The following CNTN6 variants were observed in gnomAD, a reference collection of about 807,000 sequenced individuals.
CNTN6 encodes the protein contactin 6, also known as contactin-6.
In CNTN6, 137 loss-of-function variants were observed where a neutral mutation model predicts 122.8. The ratio of observed to expected loss-of-function variants is 1.12; its 90% CI spans 0.97 to 1.29. The LOEUF (loss-of-function observed/expected upper bound fraction) is 1.29, where lower values mean the gene tolerates loss of function less well. CNTN6 is among the 50% of genes most tolerant of loss of function. CNTN6 has a pLI of 0.00. For missense variants in CNTN6, 1,634 were observed against 1,223.4 expected, an observed-to-expected ratio of 1.34 and a Z score of -5.01; for synonymous variants, 570 against 426.0, an observed-to-expected ratio of 1.34 and a Z score of -4.16.
intron 2 of CNTN6, among the ~76,000 whole-genome samples, chr3:1,181,621 C>CA (rs904899265): frequency 1.9e-4 from 29 of 152,036 alleles, no homozygotes; most frequent in African/African-American, 6.8e-4. Context: ...TGTGTGTCTC[C>CA]AGGTATTACA....
intron 1 of CNTN6, among the ~76,000 whole-genome samples, chr3:1,140,758 C>A (rs1559385101): frequency 1.3e-5 from 2 of 152,236 alleles, no homozygotes; most frequent in East Asian, 3.9e-4. Flanking sequence ...AACATATTTG[C>A]ATTTATTTCA....
chr3:1,305,366 A>T (rs1320091131), intron 7 of CNTN6, among the ~76,000 whole-genome samples: 2 of 152,184 alleles, frequency 1.3e-5, no homozygotes, highest in African/African-American at 4.8e-5. Context: ...GACTTTGGGG[A>T]TATGTAACTG....
chr3:1,278,240 A>C (rs150863780), intron 4 of CNTN6, among the ~76,000 whole-genome samples, 173 bp from the exon 5 acceptor site: 329 of 152,356 alleles, frequency 2.2e-3, no homozygotes, highest in Non-Finnish European at 3.1e-3. Flanking sequence ...AAGAAACACA[A>C]GATTTTGCAA....
chr3:1,162,353 A>G (rs909026363), intron 2 of CNTN6, among the ~76,000 whole-genome samples: 3 of 152,220 alleles, frequency 2.0e-5, no homozygotes, highest in Non-Finnish European at 4.4e-5. Flanking sequence ...AGCACTTATA[A>G]TCAAACACAA....
intron 4 of CNTN6, among the ~76,000 whole-genome samples, chr3:1,248,998 A>G (rs1310278441): frequency 6.6e-6 from 1 of 152,198 alleles, no homozygotes; most frequent in East Asian, 1.9e-4. Flanking sequence ...TTAAATGCAA[A>G]TTCTGATTCA....
chr3:1,139,272 A>T (rs2092556016), intron 1 of CNTN6, among the ~76,000 whole-genome samples: 1 of 152,124 alleles, frequency 6.6e-6, no homozygotes, highest in Non-Finnish European at 1.5e-5. Context: ...GTCATTAGTA[A>T]GTAGTCCCTG....
Position 1,295,634 on chromosome 3 carries a change from C to G in CNTN6, c.488C>G (p.Pro163Arg), listed in dbSNP as rs764715506. The stretch of plus-strand genomic sequence containing the variant: ...TATGCATGGACCTTCAATGATAACC[C>G]CTTATACGTCCAAGAGGACAATAGG... ...LSYAWTFNDNPLYVQEDNRRF... is the reference protein window; with the variant it reads ...LSYAWTFNDNRLYVQEDNRRF... Residue 163 changes from proline (P) to arginine (R), a missense_variant, in exon 6 of 23, where the codon CCC (proline) becomes CGC (arginine). Transcript: ENST00000446702. The G allele has an allele frequency of 1.2e-5, 20 of 1,613,656 alleles. No individual in the cohort carries two copies. In the African/African-American group the frequency reaches 2.4e-4, roughly 19 times the overall value.
chr3:1,189,916 A>G lies in CNTN6; in HGVS notation c.56-30771A>G, dbSNP rs556811284. ...TTCTATTGCATATCACAAAATTAGT[A>G]GCAAAATGATGATATGAATTTAGGT... On this transcript the variant is annotated intron_variant, in intron 2 of 22. Coordinates refer to ENST00000446702, the MANE Select transcript of CNTN6 (RefSeq NM_001289080.2). Among the ~76,000 whole-genome samples the G allele has an allele frequency of 3.9e-5, 6 of 152,332 alleles. No homozygotes were observed. The East Asian group carries it at 7.7e-4, about 20-fold the overall frequency.
intron 2 of CNTN6, among the ~76,000 whole-genome samples, chr3:1,152,920 T>C (rs1378569761): frequency 6.6e-6 from 1 of 152,176 alleles, no homozygotes; most frequent in African/African-American, 2.4e-5. Flanking sequence ...AATAGCAGAA[T>C]AGTAGTTACA....
rs530320196 is a variant in CNTN6 at position 1,164,638 on chromosome 3, A to T, written c.55+16575A>T. ...CATGTAGAATGTGATTAGGATACTG[A>T]AGAAATTCTTGACATATATTAGGAC... On this transcript the variant is annotated intron_variant, in intron 2 of 22. Transcript: ENST00000446702. Among the ~76,000 whole-genome samples the T allele has an allele frequency of 3.2e-4, 49 of 152,318 alleles. No homozygotes were observed. The South Asian group carries it at 9.9e-3, about 31-fold the overall frequency.
intron 12 of CNTN6, among the ~76,000 whole-genome samples, chr3:1,369,334 G>A (rs113777292): frequency 0.032 from 4,815 of 149,612 alleles, 109 homozygotes; most frequent in South Asian, 0.053. Flanking sequence ...TTTTGTAGAC[G>A]TTCATCTCTG....
chr3:1,099,873 A>G (rs1340054744), intron 1 of CNTN6, among the ~76,000 whole-genome samples: 1 of 152,208 alleles, frequency 6.6e-6, no homozygotes, highest in African/African-American at 2.4e-5. Flanking sequence ...TTAGTTAAAA[A>G]TGGTATACTC....
intron 1 of CNTN6, among the ~76,000 whole-genome samples, chr3:1,098,011 T>C (rs2090623474): frequency 6.6e-6 from 1 of 151,332 alleles, no homozygotes; most frequent in African/African-American, 2.4e-5. Context: ...TGCTGGTCTC[T>C]GGATCCAACT....
intron 2 of CNTN6, among the ~76,000 whole-genome samples, chr3:1,200,293 C>T (rs1479926985): frequency 6.6e-6 from 1 of 152,180 alleles, no homozygotes; most frequent in East Asian, 1.9e-4. Flanking sequence ...CTCAGCTTCC[C>T]AAACTGCCAG....
At chr3:1,387,100 G>A (rs537316962) in intron 20 of CNTN6, among the ~76,000 whole-genome samples, 23 of 152,124 alleles carry the variant, frequency 1.5e-4, no homozygotes, top group African/African-American at 5.3e-4. Flanking sequence ...TTGCTTTCAT[G>A]TTCTTATCTA....
At chr3:1,393,634 T>G (rs1694565052) in intron 20 of CNTN6, among the ~76,000 whole-genome samples, 1 of 150,538 alleles carries the variant, frequency 6.6e-6, no homozygotes, top group South Asian at 2.1e-4. Flanking sequence ...ATTAGAAATG[T>G]GTAAGAAACA....
At position 1,327,351 on chromosome 3, in the gene CNTN6, T is replaced by G. The variant is rs770434296; in HGVS notation, c.1084-106T>G. On this transcript the variant is annotated intron_variant, in intron 9 of 22. Coordinates refer to ENST00000446702, the MANE Select transcript of CNTN6 (RefSeq NM_001289080.2). ...TCTAGTAGTGTATTAATACACCAAA[T>G]TATCAGATCTCATAGATATACACAA... The G allele has an allele frequency of 1.4e-4, 178 of 1,249,464 alleles. 2 individuals carry two copies. The highest frequency in any genetic ancestry group is 2.6e-5 in the Non-Finnish European group (23 of 895,062). 77.4% of individuals were successfully genotyped at this position (1,249,464 alleles called of 1,614,324 possible).
intron 2 of CNTN6, among the ~76,000 whole-genome samples, chr3:1,187,503 T>A (rs1019568754): frequency 6.6e-6 from 1 of 152,188 alleles, no homozygotes; most frequent in Non-Finnish European, 1.5e-5. Flanking sequence ...TCCAGAGTCC[T>A]GGTGTTATTC....
At chr3:1,262,641 C>T (rs1265288077) in intron 4 of CNTN6, among the ~76,000 whole-genome samples, 2 of 152,000 alleles carry the variant, frequency 1.3e-5, no homozygotes, top group African/African-American at 4.8e-5. Flanking sequence ...GAAAATCAAC[C>T]AGTTGGTCGT....
Sources: allele counts gnomAD v4.1 joint callset (sites outside exome capture counted in the v4.1 genomes callset), GRCh38; gene constraint gnomAD v4.1.1; transcripts MANE v1.5; gene names NCBI Gene and HGNC (gene_info 2026-07-23, HGNC 2026-07-21).